PBX3: variants seen among roughly 807,000 people sequenced by gnomAD.
PBX3 encodes pre-B-cell leukemia transcription factor 3.
PBX3 carries 14 observed loss-of-function variants against 48.5 expected under a neutral mutation model. That is an observed-to-expected ratio of 0.29 (90% CI 0.19 to 0.45). The LOEUF is 0.45. Among genes scored for constraint, PBX3 ranks in the 20% least tolerant of loss-of-function variants. The pLI is 1.00. For synonymous variants in PBX3, 210 were observed against 200.3 expected (o/e 1.05, Z -0.41); for missense variants, 386 against 546.7 (o/e 0.71, Z 2.93).
intron 5 of PBX3, 31 bp from the exon 6 acceptor site, chr9:125,960,653 C>T (rs1842408517): frequency 6.2e-7 from 1 of 1,607,670 alleles, no homozygotes; most frequent in Admixed American, 1.7e-5. Flanking sequence ...TCCTCTCTTC[C>T]CCTTCACCTC....
chr9:125,895,700 T>C (rs11787698), intron 2 of PBX3, among the ~76,000 whole-genome samples: 3,865 of 152,094 alleles, frequency 0.025, 70 homozygotes, highest in Non-Finnish European at 0.041. Context: ...GCTGTACTTA[T>C]TTGAAATTTT....
At chr9:125,864,495 C>G (rs1162789064) in intron 2 of PBX3, among the ~76,000 whole-genome samples, 1 of 152,134 alleles carries the variant, frequency 6.6e-6, no homozygotes, top group Non-Finnish European at 1.5e-5. Flanking sequence ...GAAATAATTA[C>G]ACAACTTACC....
chr9:125,899,478 G>T (rs1840888599), intron 2 of PBX3, among the ~76,000 whole-genome samples: 1 of 148,090 alleles, frequency 6.8e-6, no homozygotes, highest in African/African-American at 2.5e-5. Context: ...GAGAGAGAGA[G>T]AGAGAGAGAG....
At chr9:125,898,987 C>G (rs1284972854) in intron 2 of PBX3, among the ~76,000 whole-genome samples, 2 of 151,204 alleles carry the variant, frequency 1.3e-5, no homozygotes, top group African/African-American at 2.4e-5. Context: ...ACAAAAACAA[C>G]TCTCAGAAAC....
chr9:125,953,158 A>ATC (rs903551699), intron 5 of PBX3, among the ~76,000 whole-genome samples: 11 of 151,448 alleles, frequency 7.3e-5, no homozygotes, highest in South Asian at 2.1e-4. Context: ...TATAAATTTA[A>ATC]TCTCTCTCTC....
chr9:125,873,309 T>C (rs918591836), intron 2 of PBX3, among the ~76,000 whole-genome samples: 3 of 152,174 alleles, frequency 2.0e-5, no homozygotes, highest in African/African-American at 4.8e-5. Flanking sequence ...GACAAAAATC[T>C]GTAAATATAC....
intron 2 of PBX3, among the ~76,000 whole-genome samples, chr9:125,830,692 T>TATTATCTCATTCAAACTTA (rs1184138192): frequency 6.6e-6 from 1 of 152,212 alleles, no homozygotes; most frequent in African/African-American, 2.4e-5. Context: ...ACATTTTGTC[T>TATTATCTCATTCAAACTTA]ATTATCTCAT....
intron 2 of PBX3, among the ~76,000 whole-genome samples, chr9:125,793,367 ATAT>A (rs1329538588): frequency 1.6e-3 from 38 of 23,250 alleles, no homozygotes; most frequent in South Asian, 5.4e-3. Context: ...GAAAAAAAAA[ATAT>A]ATATATATAT....
At chr9:125,813,190 A>G (rs1477625428) in intron 2 of PBX3, among the ~76,000 whole-genome samples, 2 of 151,870 alleles carry the variant, frequency 1.3e-5, no homozygotes, top group African/African-American at 2.4e-5. Context: ...TTACAGAAAT[A>G]TTTTTTCTTT....
chr9:125,917,731 A>G (rs1841365940), intron 3 of PBX3, among the ~76,000 whole-genome samples: 1 of 152,142 alleles, frequency 6.6e-6, no homozygotes, highest in Non-Finnish European at 1.5e-5. Context: ...GTGTGTTTTG[A>G]GGAAGAGTAG....
At chr9:125,764,613 G>A (rs1246915691) in intron 2 of PBX3, among the ~76,000 whole-genome samples, 2 of 152,056 alleles carry the variant, frequency 1.3e-5, no homozygotes, top group Non-Finnish European at 2.9e-5. Flanking sequence ...ATATTGTTTT[G>A]CAAAAAGTTT....
At chr9:125,807,617 A>T (rs1483609282) in intron 2 of PBX3, among the ~76,000 whole-genome samples, 4 of 152,202 alleles carry the variant, frequency 2.6e-5, no homozygotes, top group Non-Finnish European at 4.4e-5. Context: ...AACCTACCTC[A>T]TAGGGCTGTT....
intron 2 of PBX3, among the ~76,000 whole-genome samples, chr9:125,844,246 C>T (rs1035546183): frequency 3.4e-5 from 5 of 149,094 alleles, no homozygotes; most frequent in South Asian, 2.1e-4. Flanking sequence ...AGAGAGTTAA[C>T]GCTGGCAACA....
At chr9:125,821,570 G>T (rs1490804953) in intron 2 of PBX3, among the ~76,000 whole-genome samples, 1 of 152,026 alleles carries the variant, frequency 6.6e-6, no homozygotes, top group Non-Finnish European at 1.5e-5. Flanking sequence ...ATTTGTTATT[G>T]TCTAAATAAA....
intron 2 of PBX3, among the ~76,000 whole-genome samples, chr9:125,763,208 G>A (rs1159490277): frequency 6.6e-6 from 1 of 151,984 alleles, no homozygotes; most frequent in Non-Finnish European, 1.5e-5. Flanking sequence ...CCTTTGTGGG[G>A]GAAAAAAATT....
chr9:125,912,428 A>G (rs537045132), intron 2 of PBX3, among the ~76,000 whole-genome samples: 3 of 152,278 alleles, frequency 2.0e-5, no homozygotes, highest in Non-Finnish European at 2.9e-5. Flanking sequence ...GCAGTCGTCT[A>G]TGCAGATGCT....
At chr9:125,944,140 G>C (rs960706504) in intron 5 of PBX3, among the ~76,000 whole-genome samples, 4 of 152,214 alleles carry the variant, frequency 2.6e-5, no homozygotes, top group African/African-American at 9.7e-5. Context: ...AAGCCTCCTG[G>C]CTTCCCACTT....
chr9:125,951,243 G>T (rs1489525501), intron 5 of PBX3, among the ~76,000 whole-genome samples: 1 of 152,212 alleles, frequency 6.6e-6, no homozygotes, highest in East Asian at 1.9e-4. Context: ...GTCCTGCTTA[G>T]TTGGGGCAGG....
At chr9:125,875,736 C>A (rs777513479) in intron 2 of PBX3, among the ~76,000 whole-genome samples, 1 of 152,140 alleles carries the variant, frequency 6.6e-6, no homozygotes, top group African/African-American at 2.4e-5. Context: ...TATTCCCCCC[C>A]ACCTGTAGGA....
Sources: allele counts gnomAD v4.1 joint callset (sites outside exome capture counted in the v4.1 genomes callset), GRCh38; gene constraint gnomAD v4.1.1; transcripts MANE v1.5; gene names NCBI Gene and HGNC (gene_info 2026-07-23, HGNC 2026-07-21).